The following SLC14A2 variants were observed in gnomAD, a reference collection of about 807,000 sequenced individuals.
SLC14A2 encodes the protein urea transporter 2.
A neutral mutation model predicts 104.6 loss-of-function variants in SLC14A2; 91 were observed. The observed-to-expected ratio is 0.87, with a 90% CI of 0.73 to 1.04. The LOEUF is 1.04. Among genes scored for constraint, SLC14A2 ranks in the 50% least tolerant of loss-of-function variants. SLC14A2 has a pLI of 0.00. For missense variants in SLC14A2, 1,189 were observed against 1,156.0 expected (o/e 1.03, Z -0.41); for synonymous variants, 476 against 466.4 (o/e 1.02, Z -0.27).
chr18:45,637,487 C>T (rs908818767), intron 6 of SLC14A2, among the ~76,000 whole-genome samples: 4 of 152,022 alleles, frequency 2.6e-5, no homozygotes, highest in African/African-American at 9.7e-5. Flanking sequence ...AACAGATAAG[C>T]GTTGACAGTA....
At position 45,373,115 on chromosome 18, in the gene SLC14A2, C is replaced by T. The variant is rs372857732; in HGVS notation, c.-124-110118C>T. On this transcript the variant is annotated intron_variant, in intron 1 of 20. Transcript: ENST00000586448. ...TTCATTTTGAAGTCTTGAAACCCAA[C>T]TAGACCAGCTCCTCCATAAGAACAG... 6.0e-4 allele frequency among the ~76,000 whole-genome samples: 91 copies of T among 152,314 alleles called. No individual in the cohort carries two copies. In the South Asian group the frequency reaches 0.018, roughly 31 times the overall value.
the SLC14A2 span, among the ~76,000 whole-genome samples, chr18:45,171,896 G>T: frequency 6.6e-6 from 1 of 152,008 alleles, no homozygotes; most frequent in African/African-American, 2.4e-5. Flanking sequence ...ATTCCCTAAG[G>T]CCCAACTTCT....
chr18:45,421,712 C>G (rs188792179), intron 1 of SLC14A2, among the ~76,000 whole-genome samples: 4 of 152,252 alleles, frequency 2.6e-5, no homozygotes, highest in African/African-American at 9.6e-5. Flanking sequence ...ACCAGTGAAC[C>G]CACAATGCTC....
At chr18:45,332,265 T>A (rs2085297890) in intron 1 of SLC14A2, among the ~76,000 whole-genome samples, 1 of 151,950 alleles carries the variant, frequency 6.6e-6, no homozygotes, top group Admixed American at 6.6e-5. Context: ...CAAAAATATT[T>A]GAAAAAAAAT....
intron 2 of SLC14A2, among the ~76,000 whole-genome samples, chr18:45,594,619 C>T (rs546715286): frequency 1.3e-4 from 20 of 152,260 alleles, no homozygotes; most frequent in African/African-American, 4.3e-4. Flanking sequence ...TGGGCACAGC[C>T]GTCCAACCAT....
intron 1 of SLC14A2, among the ~76,000 whole-genome samples, chr18:45,372,563 C>T (rs909704459): frequency 1.3e-5 from 2 of 152,154 alleles, no homozygotes; most frequent in African/African-American, 4.8e-5. Context: ...CACAGAGTCG[C>T]TGGTAGAGGC....
intron 4 of SLC14A2, among the ~76,000 whole-genome samples, chr18:45,631,890 A>T (rs1228003279): frequency 1.3e-5 from 2 of 152,198 alleles, no homozygotes; most frequent in Non-Finnish European, 2.9e-5. Flanking sequence ...AAGTGCAGGG[A>T]TTACAGGCAT....
chr18:45,189,092 T>C, the SLC14A2 span, among the ~76,000 whole-genome samples: 1 of 152,214 alleles, frequency 6.6e-6, no homozygotes, highest in African/African-American at 2.4e-5. Context: ...ATAATCCTGA[T>C]GTAGAAACAA....
chr18:45,679,413 C>G (rs893712803), intron 19 of SLC14A2, among the ~76,000 whole-genome samples: 13 of 152,238 alleles, frequency 8.5e-5, no homozygotes, highest in African/African-American at 3.1e-4. Context: ...AACTAGCTCC[C>G]CTCCATAGAA....
chr18:45,374,385 A>G (rs1277663149), intron 1 of SLC14A2, among the ~76,000 whole-genome samples: 1 of 152,218 alleles, frequency 6.6e-6, no homozygotes, highest in Non-Finnish European at 1.5e-5. Flanking sequence ...GTGGGCCACC[A>G]CTTCCCATGC....
intron 16 of SLC14A2, 116 bp downstream of exon 16, chr18:45,669,614 C>G (rs761535833): frequency 1.2e-5 from 10 of 828,280 alleles, no homozygotes; most frequent in Non-Finnish European, 1.7e-5. Context: ...TTACACAGTA[C>G]CAAGCATTCT....
At chr18:45,385,392 A>G (rs1318181881) in intron 1 of SLC14A2, among the ~76,000 whole-genome samples, 2 of 152,230 alleles carry the variant, frequency 1.3e-5, no homozygotes, top group African/African-American at 4.8e-5. Context: ...TAAGAAACAC[A>G]TCTCAGCCCT....
chr18:45,232,520 T>C (rs2084184753), intron 1 of SLC14A2, among the ~76,000 whole-genome samples: 1 of 152,196 alleles, frequency 6.6e-6, no homozygotes, highest in African/African-American at 2.4e-5. Flanking sequence ...TCTATACCCA[T>C]TGTTCTAATT....
intron 1 of SLC14A2, among the ~76,000 whole-genome samples, chr18:45,477,526 C>T (rs2087405581): frequency 6.6e-6 from 1 of 152,200 alleles, no homozygotes; most frequent in African/African-American, 2.4e-5. Flanking sequence ...GGGAGATCTG[C>T]TGATCTCTTC....
intron 2 of SLC14A2, among the ~76,000 whole-genome samples, chr18:45,526,216 T>G (rs968347185): frequency 2.6e-5 from 4 of 152,188 alleles, no homozygotes; most frequent in African/African-American, 9.6e-5. Context: ...TGACCCCTCA[T>G]GGTTTTTAGT....
chr18:45,456,422 C>T (rs1410345422), intron 1 of SLC14A2, among the ~76,000 whole-genome samples: 1 of 152,242 alleles, frequency 6.6e-6, no homozygotes, highest in African/African-American at 2.4e-5. Flanking sequence ...GCATCCACAA[C>T]AGCAAAAGCT....
intron 1 of SLC14A2, among the ~76,000 whole-genome samples, chr18:45,214,463 T>C (rs138403225): frequency 6.6e-6 from 1 of 152,342 alleles, no homozygotes; most frequent in Non-Finnish European, 1.5e-5. Flanking sequence ...CTTCATCAGA[T>C]GAATGTATCT....
chr18:45,669,561 AT>A, intron 16 of SLC14A2, 63 bp downstream of exon 16: 6 of 1,356,374 alleles, frequency 4.4e-6, no homozygotes, highest in Non-Finnish European at 6.2e-6. Context: ...GCATTTGCAT[AT>A]TTTGCACATC....
intron 1 of SLC14A2, among the ~76,000 whole-genome samples, chr18:45,388,596 A>G (rs1157520971): frequency 1.3e-5 from 2 of 152,128 alleles, no homozygotes; most frequent in Non-Finnish European, 2.9e-5. Context: ...AGATTTTTAT[A>G]TATTGAGATG....
Sources: gnomAD v4.1 joint callset for allele counts (sites outside exome capture counted in the v4.1 genomes callset) on GRCh38, gnomAD v4.1.1 for gene constraint, MANE v1.5 for transcripts, NCBI Gene and HGNC (gene_info 2026-07-23, HGNC 2026-07-21) for gene names.